MARCHF1: variants seen among roughly 807,000 people sequenced by gnomAD.
MARCHF1 encodes the protein membrane associated ring-CH-type finger 1.
Under a neutral mutation model 54.2 loss-of-function variants are expected in MARCHF1, and 40 were observed. The ratio of observed to expected loss-of-function variants is 0.74; its 90% confidence interval spans 0.57 to 0.96. The LOEUF (loss-of-function observed/expected upper bound fraction) is 0.96, where lower values mean the gene tolerates loss of function less well. Ranked by LOEUF, MARCHF1 falls within the 40% of genes least tolerant of loss-of-function variation. The pLI is 0.00. For synonymous variants in MARCHF1, 236 were observed against 236.3 expected (o/e 1.00, Z 0.01); for missense variants, 586 against 656.5 (o/e 0.89, Z 1.17).
chr4:163,965,487 G>C (rs1010049059), intron 3 of MARCHF1, among the ~76,000 whole-genome samples: 2 of 152,028 alleles, frequency 1.3e-5, no homozygotes, highest in African/African-American at 4.8e-5. Context: ...AACTTGGGCA[G>C]TTCAGAGTCT....
chr4:164,027,382 A>AC, intron 2 of MARCHF1, among the ~76,000 whole-genome samples: 2 of 144,142 alleles, frequency 1.4e-5, no homozygotes, highest in Non-Finnish European at 3.1e-5. Context: ...AAAAAAAAAA[A>AC]AAAAAAAAAA....
At chr4:164,239,976 G>T (rs943699246) in intron 1 of MARCHF1, among the ~76,000 whole-genome samples, 1 of 152,130 alleles carries the variant, frequency 6.6e-6, no homozygotes, top group African/African-American at 2.4e-5. Context: ...AGAGCATCTT[G>T]CTCTAAACAT....
rs1173105845 is a variant in MARCHF1 at position 164,017,567 on chromosome 4, T to C, written c.-247-28858A>G. On this transcript the variant is annotated intron_variant, in intron 2 of 9. Coordinates refer to ENST00000514618, the MANE Select transcript of MARCHF1 (RefSeq NM_001394959.1). Reference sequence around the variant, plus strand: ...TAATTTTCCAAAACACCATTTACAATAGCATCTAAACCAAGAATACTTAAA... The same window carrying C: ...TAATTTTCCAAAACACCATTTACAACAGCATCTAAACCAAGAATACTTAAA... Among the ~76,000 whole-genome samples, 4 of 151,994 alleles carry C rather than the reference T, an allele frequency of 2.6e-5. No homozygotes were observed. The East Asian group carries it at 7.7e-4, about 29-fold the overall frequency.
At chr4:163,791,322 C>T (rs1338439128) in intron 4 of MARCHF1, among the ~76,000 whole-genome samples, 1 of 151,996 alleles carries the variant, frequency 6.6e-6, no homozygotes, top group African/African-American at 2.4e-5. Context: ...ATATAAAAGC[C>T]ACACACATAT....
chr4:164,125,809 A>T (rs1444304929), intron 1 of MARCHF1, among the ~76,000 whole-genome samples: 1 of 152,184 alleles, frequency 6.6e-6, no homozygotes, highest in African/African-American at 2.4e-5. Context: ...TTATAGGAGC[A>T]CAAACCCTGT....
At chr4:163,680,962 A>AT (rs1744083013) in intron 5 of MARCHF1, among the ~76,000 whole-genome samples, 1 of 150,754 alleles carries the variant, frequency 6.6e-6, no homozygotes, top group Non-Finnish European at 1.5e-5. Flanking sequence ...ACACATATAT[A>AT]TTATTGAGTA....
rs368137600 is a variant in MARCHF1, at chr4:164,271,554, G to C, written c.-323+112316C>G. 5.9e-5 allele frequency among the ~76,000 whole-genome samples: 9 copies of C among 152,134 alleles called. No homozygotes were observed. The East Asian group carries it at 1.5e-3, about 26-fold the overall frequency. On this transcript the variant is annotated intron_variant, in intron 1 of 9. Transcript: ENST00000514618. The stretch of plus-strand genomic sequence containing the variant: ...AAAATTCATGCCTGATTTCTGACTT[G>C]TGTGGACTGTAAGATGATAAGTTTG...
intron 7 of MARCHF1, among the ~76,000 whole-genome samples, chr4:163,590,286 A>G (rs1740548536): frequency 1.3e-5 from 2 of 150,470 alleles, no homozygotes; most frequent in East Asian, 2.0e-4. Context: ...TGTGAGGGCC[A>G]TAGTGTTATG....
chr4:163,732,749 A>C (rs975210779), intron 4 of MARCHF1, among the ~76,000 whole-genome samples: 1 of 152,202 alleles, frequency 6.6e-6, no homozygotes, highest in Non-Finnish European at 1.5e-5. Flanking sequence ...GAATCTTTCA[A>C]CTATACTTTT....
At chr4:163,887,051 T>C (rs1750553729) in intron 3 of MARCHF1, among the ~76,000 whole-genome samples, 1 of 152,132 alleles carries the variant, frequency 6.6e-6, no homozygotes, top group Non-Finnish European at 1.5e-5. Flanking sequence ...TATTATTTAA[T>C]CAACATATAT....
rs144382114 is a variant in MARCHF1 at position 164,078,367 on chromosome 4, G to A, written c.-248+33221C>T. Among the ~76,000 whole-genome samples the A allele has an allele frequency of 1.2e-3, 186 of 152,162 alleles. 2 individuals carry two copies. In the East Asian group the frequency reaches 0.031, roughly 26 times the overall value. ...CACAGGGAGGGGAATATCACACACC[G>A]GGGTCTGCAGGGAGTTGGGGGTTAG... On this transcript the variant is annotated intron_variant, in intron 2 of 9. Transcript: ENST00000514618.
At chr4:163,690,731 G>A (rs1338086187) in intron 5 of MARCHF1, among the ~76,000 whole-genome samples, 1 of 152,146 alleles carries the variant, frequency 6.6e-6, no homozygotes, top group Admixed American at 6.6e-5. Context: ...GAATACAACA[G>A]GAAGCCTTAG....
intron 1 of MARCHF1, among the ~76,000 whole-genome samples, chr4:164,205,358 G>C (rs1357788003): frequency 6.6e-6 from 1 of 152,032 alleles, no homozygotes; most frequent in East Asian, 1.9e-4. Flanking sequence ...ACTTGTATTT[G>C]AAAAACTAAA....
chr4:163,538,438 G>A (rs1738612194), intron 9 of MARCHF1, among the ~76,000 whole-genome samples: 1 of 152,032 alleles, frequency 6.6e-6, no homozygotes, highest in South Asian at 2.1e-4. Context: ...AAGAGCTCAG[G>A]TTCCCCACCA....
Position 163,942,451 on chromosome 4 carries a change from C to G in MARCHF1, c.-39+46050G>C, listed in dbSNP as rs1451331148. Among the ~76,000 whole-genome samples the G allele has an allele frequency of 2.6e-5, 4 of 152,100 alleles. No homozygotes were observed. The East Asian group carries it at 7.7e-4, about 29-fold the overall frequency. On this transcript the variant is annotated intron_variant, in intron 3 of 9. Transcript: ENST00000514618. ...CCTTGGACAGCTTCCTGACTTTATG[C>G]TACATATGTTAACGAGCCAGTGCTC... is the stretch of plus-strand genomic sequence containing the variant.
At chr4:163,825,456 C>G (rs946997421) in intron 4 of MARCHF1, among the ~76,000 whole-genome samples, 2 of 151,982 alleles carry the variant, frequency 1.3e-5, no homozygotes, top group African/African-American at 4.8e-5. Context: ...TAGTTATATA[C>G]CCAGTAATGA....
intron 3 of MARCHF1, among the ~76,000 whole-genome samples, chr4:163,890,105 T>G (rs1410787091): frequency 2.0e-5 from 3 of 150,274 alleles, no homozygotes. Context: ...TTTTTTTTTT[T>G]TTGTATTTTT....
At chr4:164,356,352 A>T (rs2110906672) in intron 1 of MARCHF1, among the ~76,000 whole-genome samples, 2 of 142,498 alleles carry the variant, frequency 1.4e-5, no homozygotes, top group Middle Eastern at 6.9e-3. Context: ...AATAGAAAAG[A>T]CTTGGAACCA....
chr4:164,316,995 C>T (rs537889142), intron 1 of MARCHF1, among the ~76,000 whole-genome samples: 1 of 152,258 alleles, frequency 6.6e-6, no homozygotes, highest in South Asian at 2.1e-4. Flanking sequence ...AGCCTCTTTC[C>T]TTTATAAATT....
Sources: gnomAD v4.1 joint callset for allele counts (sites outside exome capture counted in the v4.1 genomes callset) on GRCh38, gnomAD v4.1.1 for gene constraint, MANE v1.5 for transcripts, NCBI Gene and HGNC (gene_info 2026-07-23, HGNC 2026-07-21) for gene names.